The following ADGRB3 variants were observed in gnomAD, a reference collection of about 807,000 sequenced individuals.
ADGRB3 encodes the protein brain-specific angiogenesis inhibitor 3.
Under a neutral mutation model 193.4 loss-of-function variants are expected in ADGRB3, and 37 were observed. The observed-to-expected ratio is 0.19, with a 90% CI of 0.15 to 0.25. ADGRB3 has a LOEUF of 0.25. Among genes scored for constraint, ADGRB3 ranks in the 10% least tolerant of loss-of-function variants. The pLI is 1.00. For synonymous variants in ADGRB3, 690 were observed against 644.2 expected (o/e 1.07, Z -1.08); for missense variants, 1,637 against 1,852.9 (o/e 0.88, Z 2.14).
intron 3 of ADGRB3, among the ~76,000 whole-genome samples, chr6:68,656,898 A>G (rs1260122809): frequency 6.6e-6 from 1 of 151,546 alleles, no homozygotes; most frequent in Non-Finnish European, 1.5e-5. Flanking sequence ...CTTTCTTAAT[A>G]TAGTCTGTAC....
At chr6:69,166,495 T>C (rs1775135226) in intron 17 of ADGRB3, among the ~76,000 whole-genome samples, 1 of 152,160 alleles carries the variant, frequency 6.6e-6, no homozygotes, top group Non-Finnish European at 1.5e-5. Flanking sequence ...TGTAGAATGA[T>C]ACTTTATAAA....
intron 10 of ADGRB3, among the ~76,000 whole-genome samples, chr6:68,988,154 A>T (rs1769133082): frequency 6.6e-6 from 1 of 152,180 alleles, no homozygotes; most frequent in South Asian, 2.1e-4. Flanking sequence ...TATAGTGGAA[A>T]CAAAGATGAA....
intron 3 of ADGRB3, among the ~76,000 whole-genome samples, chr6:68,844,253 G>GA (rs1249616837): frequency 6.6e-6 from 1 of 151,482 alleles, no homozygotes; most frequent in African/African-American, 2.4e-5. Context: ...ATGAAAAAAA[G>GA]AAAAATATTT....
chr6:69,074,890 A>C (rs756224154), intron 16 of ADGRB3, among the ~76,000 whole-genome samples: 6 of 152,098 alleles, frequency 3.9e-5, no homozygotes, highest in Non-Finnish European at 8.8e-5. Context: ...ATTATTATCA[A>C]TGACCAGGTT....
intron 20 of ADGRB3, among the ~76,000 whole-genome samples, chr6:69,279,772 C>T (rs941851407): frequency 2.6e-5 from 4 of 151,958 alleles, no homozygotes; most frequent in African/African-American, 9.7e-5. Flanking sequence ...TGTCCTCAGC[C>T]TAGAAATTAA....
At chr6:69,329,117 A>T (rs1768650697) in intron 22 of ADGRB3, among the ~76,000 whole-genome samples, 1 of 151,994 alleles carries the variant, frequency 6.6e-6, no homozygotes, top group Non-Finnish European at 1.5e-5. Context: ...ATCTTGAAAG[A>T]TATACTAAAC....
intron 17 of ADGRB3, among the ~76,000 whole-genome samples, chr6:69,185,115 G>C (rs1339352750): frequency 6.6e-6 from 1 of 151,978 alleles, no homozygotes; most frequent in Non-Finnish European, 1.5e-5. Context: ...CTCTCTACAA[G>C]AAAATATCTT....
chr6:69,317,866 T>C (rs1012376625), intron 20 of ADGRB3, among the ~76,000 whole-genome samples: 3 of 151,464 alleles, frequency 2.0e-5, no homozygotes, highest in Middle Eastern at 3.2e-3. Context: ...GACTACATTT[T>C]CCAAATGACA....
At chr6:69,012,045 A>G (rs889372134) in intron 11 of ADGRB3, among the ~76,000 whole-genome samples, 3 of 152,026 alleles carry the variant, frequency 2.0e-5, no homozygotes, top group African/African-American at 4.8e-5. Flanking sequence ...TATTTTAATA[A>G]TTTGTGTTTT....
At chr6:68,844,003 C>T (rs1768221810) in intron 3 of ADGRB3, among the ~76,000 whole-genome samples, 1 of 152,204 alleles carries the variant, frequency 6.6e-6, no homozygotes, top group Non-Finnish European at 1.5e-5. Flanking sequence ...CTATCTCTCA[C>T]ATATACAAAT....
At chr6:69,205,200 A>G (rs952230663) in intron 17 of ADGRB3, among the ~76,000 whole-genome samples, 4 of 152,136 alleles carry the variant, frequency 2.6e-5, no homozygotes, top group Non-Finnish European at 5.9e-5. Flanking sequence ...TGTCCATTCA[A>G]TATAAGGACA....
At chr6:69,368,166 C>T (rs958709067) in intron 29 of ADGRB3, among the ~76,000 whole-genome samples, 2 of 152,056 alleles carry the variant, frequency 1.3e-5, no homozygotes, top group Non-Finnish European at 2.9e-5. Context: ...AAGATTGTCA[C>T]AATGATTTTT....
chr6:69,286,481 A>G (rs912544736), intron 20 of ADGRB3, among the ~76,000 whole-genome samples: 4 of 152,194 alleles, frequency 2.6e-5, no homozygotes, highest in African/African-American at 7.2e-5. Flanking sequence ...AAATTGTCAT[A>G]TCAACAAAGG....
chr6:68,920,799 A>T (rs1388008673), intron 3 of ADGRB3, among the ~76,000 whole-genome samples: 2 of 152,154 alleles, frequency 1.3e-5, no homozygotes, highest in East Asian at 3.9e-4. Context: ...AAACTAAAAA[A>T]AAATCTAATA....
At chr6:68,899,233 G>A (rs1401694739) in intron 3 of ADGRB3, among the ~76,000 whole-genome samples, 5 of 151,940 alleles carry the variant, frequency 3.3e-5, no homozygotes, top group African/African-American at 7.3e-5. Context: ...AATTAATATC[G>A]AAAGCCTTTG....
At chr6:68,964,902 T>G (rs750316892) in intron 8 of ADGRB3, among the ~76,000 whole-genome samples, 62 of 152,108 alleles carry the variant, frequency 4.1e-4, no homozygotes, top group Non-Finnish European at 7.4e-4. Flanking sequence ...ACCATAACAA[T>G]AAAAAGACTC....
At chr6:68,749,958 A>G (rs1766163855) in intron 3 of ADGRB3, among the ~76,000 whole-genome samples, 1 of 152,198 alleles carries the variant, frequency 6.6e-6, no homozygotes, top group Non-Finnish European at 1.5e-5. Flanking sequence ...TTCATGGATA[A>G]TAGGTAACCC....
intron 21 of ADGRB3, among the ~76,000 whole-genome samples, 186 bp from the exon 22 acceptor site, chr6:69,327,634 C>T (rs1768607083): frequency 6.6e-6 from 1 of 152,162 alleles, no homozygotes; most frequent in African/African-American, 2.4e-5. Flanking sequence ...AAGTTAAAAG[C>T]TCAGGTACCT....
At chr6:69,286,898 T>C (rs991135689) in intron 20 of ADGRB3, among the ~76,000 whole-genome samples, 2 of 152,236 alleles carry the variant, frequency 1.3e-5, no homozygotes, top group Non-Finnish European at 2.9e-5. Flanking sequence ...TGTTCAACTA[T>C]TGACCTCTCT....
Sources: allele counts gnomAD v4.1 joint callset (sites outside exome capture counted in the v4.1 genomes callset), GRCh38; gene constraint gnomAD v4.1.1; transcripts MANE v1.5; gene names NCBI Gene and HGNC (gene_info 2026-07-23, HGNC 2026-07-21).